Variants in FMN2 observed in about 807,000 individuals in gnomAD.
The protein encoded by FMN2 is formin-2.
In FMN2, 51 loss-of-function variants were observed where a neutral mutation model predicts 142.3. The ratio of observed to expected loss-of-function variants is 0.36; its 90% CI spans 0.29 to 0.45. FMN2 has a LOEUF of 0.45. Among genes scored for constraint, FMN2 ranks in the 20% least tolerant of loss-of-function variants. FMN2 has a pLI of 1.00. For synonymous variants in FMN2, 882 were observed against 869.8 expected (o/e 1.01, Z -0.25); for missense variants, 1,936 against 2,122.8 (o/e 0.91, Z 1.73).
At chr1:240,257,908 AT>A (rs1481682158) in intron 6 of FMN2, 36 bp from the exon 7 acceptor site, 2 of 1,570,960 alleles carry the variant, frequency 1.3e-6, no homozygotes, top group Non-Finnish European at 1.7e-6. Context: ...TGGAGTTCAA[AT>A]TAACATTTTC....
intron 1 of FMN2, among the ~76,000 whole-genome samples, chr1:240,113,577 A>T (rs1051900094): frequency 6.6e-6 from 1 of 151,354 alleles, no homozygotes; most frequent in Admixed American, 6.6e-5. Context: ...AAAAAAAAAA[A>T]AATAAGGTTG....
chr1:240,320,684 A>G (rs931045661), intron 8 of FMN2, among the ~76,000 whole-genome samples: 1 of 152,176 alleles, frequency 6.6e-6, no homozygotes, highest in Non-Finnish European at 1.5e-5. Flanking sequence ...GGTGGTTGAG[A>G]ATTTAATGAT....
At chr1:240,318,484 T>C (rs1303117883) in intron 8 of FMN2, among the ~76,000 whole-genome samples, 1 of 152,002 alleles carries the variant, frequency 6.6e-6, no homozygotes, top group Non-Finnish European at 1.5e-5. Context: ...CTGGGATAAA[T>C]GGGAAGAAAA....
intron 8 of FMN2, among the ~76,000 whole-genome samples, chr1:240,322,192 C>T (rs1334080035): frequency 9.6e-6 from 1 of 104,660 alleles, no homozygotes; most frequent in Admixed American, 1.1e-4. Flanking sequence ...CCCCAACTTA[C>T]TATGGTTTAA....
intron 15 of FMN2, among the ~76,000 whole-genome samples, chr1:240,427,665 T>C (rs1055836604): frequency 1.3e-5 from 2 of 152,268 alleles, no homozygotes; most frequent in African/African-American, 2.4e-5. Flanking sequence ...TCATTTGTTC[T>C]ATAGAGTTTC....
chr1:240,456,305 A>G (rs944992961), intron 16 of FMN2, among the ~76,000 whole-genome samples: 3 of 152,202 alleles, frequency 2.0e-5, no homozygotes, highest in Non-Finnish European at 2.9e-5. Flanking sequence ...GGCTATGTAC[A>G]GTCTTTACTC....
intron 1 of FMN2, among the ~76,000 whole-genome samples, chr1:240,114,553 T>C (rs367570449): frequency 3.3e-5 from 5 of 152,226 alleles, no homozygotes; most frequent in Non-Finnish European, 5.9e-5. Flanking sequence ...AGAGTTTCAA[T>C]TGACCTTTTC....
intron 14 of FMN2, among the ~76,000 whole-genome samples, chr1:240,381,857 G>A (rs1465323831): frequency 6.6e-6 from 1 of 152,120 alleles, no homozygotes; most frequent in Non-Finnish European, 1.5e-5. Flanking sequence ...CAGACTCCCA[G>A]GCAACATTAT....
chr1:240,316,613 A>G (rs747602322), intron 8 of FMN2, among the ~76,000 whole-genome samples: 10 of 152,152 alleles, frequency 6.6e-5, no homozygotes, highest in Non-Finnish European at 1.3e-4. Context: ...ACAGGAGACC[A>G]TACACAGGCT....
At chr1:240,383,070 A>G (rs1271903032) in intron 14 of FMN2, among the ~76,000 whole-genome samples, 5 of 152,194 alleles carry the variant, frequency 3.3e-5, no homozygotes, top group African/African-American at 1.2e-4. Context: ...ATGTAAAACA[A>G]TGGAACTGGA....
At chr1:240,372,593 A>G (rs907309024) in intron 14 of FMN2, among the ~76,000 whole-genome samples, 4 of 150,300 alleles carry the variant, frequency 2.7e-5, no homozygotes, top group East Asian at 1.9e-4. Flanking sequence ...GATTTATTGT[A>G]TGTTAAAGGA....
intron 8 of FMN2, among the ~76,000 whole-genome samples, chr1:240,298,407 A>G (rs914169014): frequency 3.3e-5 from 5 of 152,234 alleles, no homozygotes; most frequent in Non-Finnish European, 4.4e-5. Flanking sequence ...ATCCACAGCA[A>G]TAGCTCCAGA....
chr1:240,094,289 T>G (rs1661123585), intron 1 of FMN2, among the ~76,000 whole-genome samples: 1 of 152,206 alleles, frequency 6.6e-6, no homozygotes, highest in Non-Finnish European at 1.5e-5. Flanking sequence ...TTAGTGAAGT[T>G]AAGCGGTCAC....
At chr1:240,276,397 TA>T (rs1669212625) in intron 7 of FMN2, among the ~76,000 whole-genome samples, 1 of 152,114 alleles carries the variant, frequency 6.6e-6, no homozygotes, top group Admixed American at 6.6e-5. Context: ...TGTTAGGATG[TA>T]AGGGAAGAGT....
intron 15 of FMN2, among the ~76,000 whole-genome samples, chr1:240,417,228 A>G (rs1420432177): frequency 2.0e-5 from 3 of 150,178 alleles, no homozygotes; most frequent in Non-Finnish European, 3.0e-5. Flanking sequence ...TCTATGATAT[A>G]TATTCTCATC....
chr1:240,436,484 T>C (rs1480166290), intron 15 of FMN2, among the ~76,000 whole-genome samples: 1 of 152,090 alleles, frequency 6.6e-6, no homozygotes, highest in Non-Finnish European at 1.5e-5. Flanking sequence ...GACTCTTTTA[T>C]CTCCTGAGCA....
intron 14 of FMN2, among the ~76,000 whole-genome samples, chr1:240,357,104 G>C (rs1672297835): frequency 6.6e-6 from 1 of 152,054 alleles, no homozygotes; most frequent in South Asian, 2.1e-4. Context: ...CCATCTAGTG[G>C]GGTTGTGGAA....
Position 240,334,103 on chromosome 1 carries a change from C to T in FMN2, c.4645-6C>T. 1.3e-6 allele frequency: 2 copies of T among 1,588,872 alleles called. No individual in the cohort carries two copies. The highest frequency in any genetic ancestry group is 1.7e-6 in the Non-Finnish European group (2 of 1,173,304). ...TTTAAATATGATGGGGTTTTTTGTT[C>T]ATTAGGATGCTGGAAAAGAACAGTG... On this transcript the variant is annotated splice_region_variant and splice_polypyrimidine_tract_variant and intron_variant, in intron 12 of 17. Coordinates refer to ENST00000319653, the MANE Select transcript of FMN2 (RefSeq NM_020066.5).
intron 1 of FMN2, among the ~76,000 whole-genome samples, chr1:240,099,056 G>T (rs1336542449): frequency 1.3e-5 from 2 of 152,052 alleles, no homozygotes; most frequent in Non-Finnish European, 2.9e-5. Context: ...ATCTATGAAG[G>T]TAGAAGAATA....
Sources: gnomAD v4.1 joint callset for allele counts (sites outside exome capture counted in the v4.1 genomes callset) on GRCh38, gnomAD v4.1.1 for gene constraint, MANE v1.5 for transcripts, NCBI Gene and HGNC (gene_info 2026-07-23, HGNC 2026-07-21) for gene names.